MAX: variants seen among roughly 807,000 people sequenced by gnomAD.
The protein encoded by MAX is MYC associated transcriptional regulator X.
Under a neutral mutation model 22.3 loss-of-function variants are expected in MAX, and 3 were observed. That is an observed-to-expected ratio of 0.13 (90% confidence interval 0.06 to 0.35). The LOEUF (loss-of-function observed/expected upper bound fraction) is 0.35. Ranked by LOEUF, MAX falls within the 10% of genes least tolerant of loss-of-function variation. The pLI is 1.00. For missense variants in MAX, 119 were observed against 209.4 expected, an observed-to-expected ratio of 0.57 and a Z score of 2.66; for synonymous variants, 72 against 77.7, an observed-to-expected ratio of 0.93 and a Z score of 0.39.
intron 3 of MAX, among the ~76,000 whole-genome samples, chr14:65,042,735 A>G (rs2062380491): frequency 6.6e-6 from 1 of 152,202 alleles, no homozygotes; most frequent in African/African-American, 2.4e-5. Context: ...GGGCTTAGGC[A>G]CTGGAAAAAG....
chr14:65,022,570 T>C (rs2061908998), intron 3 of MAX, among the ~76,000 whole-genome samples: 1 of 152,160 alleles, frequency 6.6e-6, no homozygotes, highest in Admixed American at 6.5e-5. Context: ...TCTCGCTGTA[T>C]TGCCTAAGCT....
rs180933838 is a variant in MAX at position 65,078,340 on chromosome 14, T to G, written c.172-304A>C. On this transcript the variant is annotated intron_variant, in intron 3 of 4. Coordinates refer to ENST00000358664, the MANE Select transcript of MAX (RefSeq NM_002382.5). The surrounding 1 kb of genome is among the most constrained non-coding windows in gnomAD (Gnocchi z 6.4). ...CCTCAGCCTCCTGAGTAGCTAGGAT[T>G]ATAGGTGTGCGCCACCACGCCCATC... Among the ~76,000 whole-genome samples the G allele has an allele frequency of 3.0e-4, 45 of 152,172 alleles. No homozygotes were observed. The highest frequency in any genetic ancestry group is 9.4e-4 in the African/African-American group (39 of 41,512).
chr14:65,100,941 G>C (rs973162213), intron 2 of MAX, among the ~76,000 whole-genome samples: 1 of 152,184 alleles, frequency 6.6e-6, no homozygotes, highest in African/African-American at 2.4e-5. Flanking sequence ...CTTTTCTTCA[G>C]CTATTTTTTA....
At position 65,076,175 on chromosome 14, in the gene MAX, G is replaced by A. The variant is rs1443160802; in HGVS notation, c.*301C>T. 1.4e-5 allele frequency: 19 copies of A among 1,383,874 alleles called. No homozygotes were observed. The highest frequency in any genetic ancestry group is 2.7e-4 in the Middle Eastern group (1 of 3,704). 85.7% of individuals were successfully genotyped at this position (1,383,874 alleles called of 1,614,324 possible). A position where few individuals can be genotyped will look rare whatever the true frequency, so the allele number is the denominator to read the frequency against. ...CAGGACACTATGTGCTCAGAGGTCC[G>A]GCCGGCCGTCTGTCCTCCACAGAAA... On this transcript the variant is annotated 3_prime_UTR_variant, in exon 5 of 5. Coordinates refer to ENST00000358664, the MANE Select transcript of MAX (RefSeq NM_002382.5). The surrounding 1 kb of genome is among the most constrained non-coding windows in gnomAD (Gnocchi z 6.6).
intron 3 of MAX, among the ~76,000 whole-genome samples, chr14:65,006,933 A>G (rs1054955192): frequency 4.6e-5 from 7 of 152,138 alleles, no homozygotes; most frequent in African/African-American, 1.7e-4. Flanking sequence ...TGGTAGGTCA[A>G]GTATGGGTGG....
At chr14:65,083,100 C>T (rs2063240352) in intron 3 of MAX, among the ~76,000 whole-genome samples, 1 of 152,116 alleles carries the variant, frequency 6.6e-6, no homozygotes, top group Admixed American at 6.5e-5. Context: ...GGTTCCTGTC[C>T]CTCCTACTGT....
intron 3 of MAX, among the ~76,000 whole-genome samples, chr14:65,057,396 G>GAGAT (rs1422107966): frequency 6.6e-6 from 1 of 152,102 alleles, no homozygotes; most frequent in Non-Finnish European, 1.5e-5. Context: ...TCCAGTCTGG[G>GAGAT]AGATAGAGTG....
intron 3 of MAX, among the ~76,000 whole-genome samples, chr14:65,006,699 T>A (rs1449934982): frequency 6.6e-6 from 1 of 152,228 alleles, no homozygotes; most frequent in African/African-American, 2.4e-5. Flanking sequence ...ACATGAACCT[T>A]TGATTATTTG....
At position 65,054,537 on chromosome 14, in the gene MAX, G is replaced by A; in HGVS notation, c.171+39171C>T. ...GGCTACATTTGTAGATGTGTGCGGA[G>A]CAGAGGAGCGCCTGCTCAGAGCTGC... On this transcript the variant is annotated intron_variant, in intron 3 of 3. Coordinates refer to the MAX transcript ENST00000341653. This position sits in a 1 kb window ranked among gnomAD's most constrained non-coding sequence, Gnocchi z 4.4. 1 of 1,590,396 alleles carries A rather than the reference G, an allele frequency of 6.3e-7. No individual in the cohort carries two copies. Among genetic ancestry groups the A allele is most frequent in the Non-Finnish European group, 8.6e-7 (1 of 1,166,702 alleles).
At chr14:65,059,405 C>T (rs940439970) in intron 3 of MAX, among the ~76,000 whole-genome samples, 10 of 151,874 alleles carry the variant, frequency 6.6e-5, no homozygotes, top group Non-Finnish European at 1.3e-4. Context: ...TTTGATACTA[C>T]TTGCCTGAGA....
intron 3 of MAX, among the ~76,000 whole-genome samples, chr14:65,022,764 T>G (rs966377648): frequency 6.6e-6 from 1 of 152,230 alleles, no homozygotes. Context: ...CAGTTCTGAC[T>G]AATACTGCAT....
chr14:65,089,046 T>C (rs559023211), intron 3 of MAX, among the ~76,000 whole-genome samples: 1 of 152,336 alleles, frequency 6.6e-6, no homozygotes, highest in South Asian at 2.1e-4. Flanking sequence ...AATTGTTAGA[T>C]GTAATCCTCT....
In MAX at chr14:65,007,338, A is replaced by G. The variant is rs534871743; in HGVS notation, c.172-1054T>C. Among the ~76,000 whole-genome samples, 1 of 152,364 alleles carries G rather than the reference A, an allele frequency of 6.6e-6. No homozygotes were observed. Among genetic ancestry groups the G allele is most frequent in the Admixed American group, 6.5e-5 (1 of 15,308 alleles). ...CTGAAGTGCATGGTTAGCTGTTAGC[A>G]GTAAATCTAGATGGCAGGGCTTGTT... is the stretch of plus-strand genomic sequence containing the variant. On this transcript the variant is annotated intron_variant, in intron 3 of 3. Coordinates refer to the MAX transcript ENST00000341653. This position sits in a 1 kb window ranked among gnomAD's most constrained non-coding sequence, Gnocchi z 4.9.
intron 3 of MAX, among the ~76,000 whole-genome samples, chr14:65,042,478 A>G (rs916601416): frequency 2.1e-4 from 32 of 152,152 alleles, no homozygotes; most frequent in African/African-American, 7.5e-4. Flanking sequence ...TGAGAATCTA[A>G]TGCTGCTGCT....
rs953291647 is a variant in MAX at position 65,093,245 on chromosome 14, A to G, written c.171+463T>C. Among the ~76,000 whole-genome samples, 7 of 152,178 alleles carry G rather than the reference A, an allele frequency of 4.6e-5. No individual in the cohort carries two copies. Among genetic ancestry groups the G allele is most frequent in the African/African-American group, 1.7e-4 (7 of 41,432 alleles). ...TAACAATTATTGGGGCTGGAAAATC[A>G]ATGGTGCCCAGGTTGTTTTTCACAT... On this transcript the variant is annotated intron_variant, in intron 3 of 4. Coordinates refer to ENST00000358664, the MANE Select transcript of MAX (RefSeq NM_002382.5). The surrounding 1 kb of genome is among the most constrained non-coding windows in gnomAD (Gnocchi z 4.4).
In MAX at chr14:65,032,795, T is replaced by G; in HGVS notation, c.172-26511A>C. 2 of 1,169,104 alleles carry G rather than the reference T, an allele frequency of 1.7e-6. No homozygotes were observed. Among genetic ancestry groups the G allele is most frequent in the African/African-American group, 1.6e-5 (1 of 63,540 alleles). The allele number at this position is 1,169,104 out of a possible 1,614,324, so 72.4% of individuals were successfully genotyped here. ...AAATGCAGAGGGACTTGGAAGGAAA[T>G]ACAAAAATCACAGGAGATCCATTAG... is the stretch of plus-strand genomic sequence containing the variant. On this transcript the variant is annotated intron_variant, in intron 3 of 3. Transcript: ENST00000341653. The surrounding 1 kb of genome is among the most constrained non-coding windows in gnomAD (Gnocchi z 5.0).
rs557315582 is a variant in MAX, at chr14:65,031,568, A to T, written c.172-25284T>A. Among the ~76,000 whole-genome samples, 1 of 151,974 alleles carries T rather than the reference A, an allele frequency of 6.6e-6. No homozygotes were observed. Among genetic ancestry groups the T allele is most frequent in the Non-Finnish European group, 1.5e-5 (1 of 67,972 alleles). ...CCTGGCCTCGTGATCCACCTGCCTC[A>T]GCCTCCCAAAGTGCTGGGATTACAG... On this transcript the variant is annotated intron_variant, in intron 3 of 3. Coordinates refer to the MAX transcript ENST00000341653. The surrounding 1 kb of genome is among the most constrained non-coding windows in gnomAD (Gnocchi z 4.6).
intron 3 of MAX, among the ~76,000 whole-genome samples, chr14:65,066,854 T>G (rs1313387599): frequency 8.3e-6 from 1 of 119,870 alleles, no homozygotes; most frequent in African/African-American, 3.4e-5. Context: ...AAGAGTGAAA[T>G]TCCATCTCAA....
At position 65,030,844 on chromosome 14, in the gene MAX, G is replaced by A. The variant is rs1023811198; in HGVS notation, c.172-24560C>T. ...TTGTTTTGAGATGGAGTTTCTTTCTGTTGCCCAGGCAGGAGCGCAGTGGTG... is the reference window on the plus strand; with the variant it reads ...TTGTTTTGAGATGGAGTTTCTTTCTATTGCCCAGGCAGGAGCGCAGTGGTG... On this transcript the variant is annotated intron_variant, in intron 3 of 3. Coordinates refer to the MAX transcript ENST00000341653. This position sits in a 1 kb window ranked among gnomAD's most constrained non-coding sequence, Gnocchi z 4.5. Among the ~76,000 whole-genome samples, 4 of 152,024 alleles carry A rather than the reference G, an allele frequency of 2.6e-5. No individual in the cohort carries two copies. The highest frequency in any genetic ancestry group is 9.7e-5 in the African/African-American group (4 of 41,398).
Sources: allele counts gnomAD v4.1 joint callset (sites outside exome capture counted in the v4.1 genomes callset), GRCh38; gene constraint gnomAD v4.1.1; non-coding constraint Gnocchi (gnomAD v3.1); transcripts MANE v1.5; gene names NCBI Gene and HGNC (gene_info 2026-07-23, HGNC 2026-07-21).